The following PGD variants were observed in gnomAD, a reference collection of about 807,000 sequenced individuals.
The protein encoded by PGD is 6-phosphogluconate dehydrogenase, decarboxylating.
PGD carries 21 observed loss-of-function variants against 60.4 expected under a neutral mutation model. The ratio of observed to expected loss-of-function variants is 0.35; its 90% CI spans 0.25 to 0.50. The LOEUF (loss-of-function observed/expected upper bound fraction) is 0.50. Ranked by LOEUF, PGD falls within the 20% of genes least tolerant of loss-of-function variation. The probability of loss-of-function intolerance (pLI) is 0.98; values close to 1 mark genes in which losing one functional copy is unlikely to be tolerated. For missense variants in PGD, 477 were observed against 613.1 expected (o/e 0.78, Z 2.34); for synonymous variants, 230 against 235.9 (o/e 0.97, Z 0.23).
chr1:10,405,390 C>A (rs767545794), intron 5 of PGD, among the ~76,000 whole-genome samples: 58 of 54,994 alleles, frequency 1.1e-3, no homozygotes, highest in African/African-American at 4.2e-3. Context: ...CAAAACAAAA[C>A]AAACAAAAAA....
At chr1:10,416,459 C>T (rs1569991912) in intron 8 of PGD, among the ~76,000 whole-genome samples, 2 of 152,300 alleles carry the variant, frequency 1.3e-5, no homozygotes, top group Admixed American at 1.3e-4. Flanking sequence ...ACTTTCAGCT[C>T]TTTGTATAAA....
chr1:10,407,726 A>G (rs556256837), intron 5 of PGD, among the ~76,000 whole-genome samples: 88 of 152,192 alleles, frequency 5.8e-4, no homozygotes, highest in African/African-American at 2.1e-3. Context: ...TGGGTGGATC[A>G]CTTGAGCTCA....
rs562071697 is a variant in PGD at position 10,419,455 on chromosome 1, T to C, written c.1248T>C (p.Ala416=). The change falls in exon 12 of 13, where the codon GCT becomes GCC. Residue 416 remains alanine (A), a synonymous_variant. Coordinates refer to ENST00000270776, the MANE Select transcript of PGD (RefSeq NM_002631.4). ...GGGCAGTCAGCACTGGGGTCCAGGCTGGCATTCCCATGCCCTGTTTTACCA... is the reference window on the plus strand; with the variant it reads ...GGGCAGTCAGCACTGGGGTCCAGGCCGGCATTCCCATGCCCTGTTTTACCA... ...WRRAVSTGVQ[A]GIPMPCFTTA... is the part of the protein sequence containing the mutation. The C allele has an allele frequency of 6.2e-7, 1 of 1,614,164 alleles. No individual in the cohort carries two copies. Among genetic ancestry groups the C allele is most frequent in the South Asian group, 1.1e-5 (1 of 91,086 alleles).
At chr1:10,406,186 T>C (rs1439544434) in intron 5 of PGD, among the ~76,000 whole-genome samples, 1 of 152,086 alleles carries the variant, frequency 6.6e-6, no homozygotes, top group Non-Finnish European at 1.5e-5. Flanking sequence ...TTCTGGTGAA[T>C]GAGTCTGGGG....
intron 4 of PGD, among the ~76,000 whole-genome samples, chr1:10,403,946 A>C (rs1569972016): frequency 1.3e-5 from 2 of 151,826 alleles, no homozygotes. Flanking sequence ...CCATAGTTGT[A>C]TTGTTTTGTT....
At chr1:10,418,773 CAAAAAA>C in intron 10 of PGD, 47 bp from the exon 11 acceptor site, 18 of 783,172 alleles carry the variant, frequency 2.3e-5, no homozygotes, top group South Asian at 6.4e-5. Flanking sequence ...GACTCCGTCT[CAAAAAA>C]AAAAAAAAAA....
intron 8 of PGD, among the ~76,000 whole-genome samples, chr1:10,414,442 T>G (rs1321712096): frequency 6.6e-6 from 1 of 152,026 alleles, no homozygotes; most frequent in Admixed American, 6.6e-5. Flanking sequence ...TGGCATGATC[T>G]CGGGTCACTG....
intron 4 of PGD, 139 bp from the exon 5 acceptor site, chr1:10,404,022 A>G (rs1639358739): frequency 3.0e-6 from 2 of 661,094 alleles, no homozygotes; most frequent in East Asian, 5.4e-5. Flanking sequence ...TCCTTGGGTC[A>G]TTTCCTGTAA....
chr1:10,413,189 A>G lies in PGD; in HGVS notation c.782A>G (p.Lys261Arg), dbSNP rs756284295. The G allele has an allele frequency of 6.2e-7, 1 of 1,614,226 alleles. No homozygotes were observed. The change falls in exon 8 of 13, where the codon AAG becomes AGG. Residue 261 changes from lysine (K) to arginine (R), a missense_variant. Physicochemically the swap from Lys to Arg is conservative, Grantham distance 26. Around this residue, in one of 3 missense-constraint regions of PGD, gnomAD observed 431 missense variants for 556.6 expected, o/e 0.77. Transcript: ENST00000270776. ...AAGATCAGGGACAGCGCGGGGCAGA[A>G]GGGCACAGGGAAGTGGACCGCCATC... ...LPKIRDSAGQKGTGKWTAISA... is the reference protein window; with the variant it reads ...LPKIRDSAGQRGTGKWTAISA...
intron 4 of PGD, among the ~76,000 whole-genome samples, chr1:10,403,658 GACTA>G (rs901342039): frequency 1.4e-5 from 2 of 145,868 alleles, no homozygotes; most frequent in African/African-American, 5.0e-5. Flanking sequence ...CTCAAAGGAT[GACTA>G]ACTCAGATAC....
intron 6 of PGD, among the ~76,000 whole-genome samples, chr1:10,408,817 C>T (rs1485262909): frequency 4.6e-5 from 7 of 152,218 alleles, no homozygotes; most frequent in Non-Finnish European, 1.0e-4. Flanking sequence ...CCATGTCACC[C>T]AGGCTGGTCT....
chr1:10,400,017 C>CGCA, intron 2 of PGD: 2 of 468,676 alleles, frequency 4.3e-6, no homozygotes, highest in South Asian at 2.8e-5. Context: ...ACTTGATTGC[C>CGCA]TGATGAGATC....
chr1:10,419,597 C>A lies in PGD; in HGVS notation c.1333-33C>A, dbSNP rs780752746. 3.1e-6 allele frequency: 5 copies of A among 1,614,100 alleles called. No individual in the cohort carries two copies. In the Middle Eastern group the frequency reaches 6.6e-4, roughly 213 times the overall value. ...GCCCCTCGGGGGCGTGCGCCATGGA[C>A]TGTCCTGACCAACCTACTCTCTCGT... is the stretch of plus-strand genomic sequence containing the variant. On this transcript the variant is annotated intron_variant, in intron 12 of 12. Coordinates refer to ENST00000270776, the MANE Select transcript of PGD (RefSeq NM_002631.4).
chr1:10,411,467 T>C lies in PGD; in HGVS notation c.569T>C (p.Ile190Thr). The change falls in exon 7 of 13, where the codon ATA becomes ACA. Residue 190 changes from isoleucine to threonine, a missense_variant. Transcript: ENST00000270776. Reference protein sequence around the residue: ...GHFVKMVHNGIEYGDMQLICE... With the variant: ...GHFVKMVHNGTEYGDMQLICE... ...TTCGTGAAGATGGTGCACAACGGGA[T>C]AGAGTATGGGGACATGCAGCTGATC... The C allele has an allele frequency of 1.2e-6, 2 of 1,614,030 alleles. No homozygotes were observed. Among genetic ancestry groups the C allele is most frequent in the Non-Finnish European group, 1.7e-6 (2 of 1,179,980 alleles).
intron 7 of PGD, 49 bp from the exon 8 acceptor site, chr1:10,413,013 C>A: frequency 1.3e-6 from 2 of 1,518,880 alleles, no homozygotes; most frequent in Non-Finnish European, 1.8e-6. Context: ...GGCTTCCTTG[C>A]TCAGCCCTCA....
chr1:10,411,586 G>T, intron 7 of PGD, 34 bp downstream of exon 7: 3 of 1,612,654 alleles, frequency 1.9e-6, no homozygotes, highest in Non-Finnish European at 2.5e-6. Flanking sequence ...TGTCCGTTCT[G>T]CAGGGAGTGC....
At chr1:10,404,112 A>G in intron 4 of PGD, 49 bp from the exon 5 acceptor site, 1 of 1,278,524 alleles carries the variant, frequency 7.8e-7, no homozygotes, top group Non-Finnish European at 1.1e-6. Context: ...GAAACATGGA[A>G]GCATAATGAA....
chr1:10,412,541 C>T (rs932222976), intron 7 of PGD, among the ~76,000 whole-genome samples: 2 of 152,096 alleles, frequency 1.3e-5, no homozygotes, highest in Non-Finnish European at 2.9e-5. Context: ...TTTTTGTGTT[C>T]ATTTTTTATT....
rs532205321 is a variant in PGD, at chr1:10,420,320, G to C, written c.*571G>C. Among the ~76,000 whole-genome samples the C allele has an allele frequency of 3.3e-5, 5 of 151,738 alleles. No individual in the cohort carries two copies. Among genetic ancestry groups the C allele is most frequent in the African/African-American group, 1.2e-4 (5 of 41,358 alleles). On this transcript the variant is annotated 3_prime_UTR_variant, in exon 13 of 13. Transcript: ENST00000270776. ...ACACACCAGGGGCTTTAATACACTG[G>C]GCATGTTTTCTTTCTCCAATTGGGC...
Sources: allele counts gnomAD v4.1 joint callset (sites outside exome capture counted in the v4.1 genomes callset), GRCh38; gene constraint gnomAD v4.1.1; regional missense constraint gnomAD v4.1.1; transcripts MANE v1.5; gene names NCBI Gene and HGNC (gene_info 2026-07-23, HGNC 2026-07-21).